ASTN2: variants seen among roughly 807,000 people sequenced by gnomAD.
ASTN2 encodes astrotactin-2.
Under a neutral mutation model 139.8 loss-of-function variants are expected in ASTN2, and 54 were observed. The ratio of observed to expected loss-of-function variants is 0.39; its 90% CI spans 0.31 to 0.48. The LOEUF (loss-of-function observed/expected upper bound fraction) is 0.48, where lower values mean the gene tolerates loss of function less well. ASTN2 is among the 20% of genes least tolerant of loss of function. ASTN2 has a pLI of 0.95. For missense variants in ASTN2, 1,565 were observed against 1,725.1 expected, an observed-to-expected ratio of 0.91 and a Z score of 1.64; for synonymous variants, 756 against 719.5, an observed-to-expected ratio of 1.05 and a Z score of -0.81.
At chr9:116,601,061 G>A (rs1223265957) in intron 19 of ASTN2, among the ~76,000 whole-genome samples, 1 of 152,202 alleles carries the variant, frequency 6.6e-6, no homozygotes, top group African/African-American at 2.4e-5. Flanking sequence ...AATATATTGA[G>A]AATTGTAATA....
rs1834617638 is a variant in ASTN2, at chr9:117,292,454, C to T, written c.443-941G>A. ...AAAGGTGTATGTGCCTGCAAATGTC[C>T]TAGAAAGACAAGGCCTATCAGTGAA... On this transcript the variant is annotated intron_variant, in intron 1 of 22. Transcript: ENST00000313400. 2.6e-5 allele frequency among the ~76,000 whole-genome samples: 4 copies of T among 152,120 alleles called. No individual in the cohort carries two copies. In the South Asian group the frequency reaches 8.3e-4, roughly 32 times the overall value.
intron 19 of ASTN2, among the ~76,000 whole-genome samples, chr9:116,591,619 G>A (rs1854380767): frequency 6.6e-6 from 1 of 152,174 alleles, no homozygotes; most frequent in Non-Finnish European, 1.5e-5. Context: ...TGATAAGCAT[G>A]GGAAGCTAGA....
chr9:116,969,605 G>C (rs1836124932), intron 10 of ASTN2, among the ~76,000 whole-genome samples: 1 of 152,048 alleles, frequency 6.6e-6, no homozygotes, highest in African/African-American at 2.4e-5. Flanking sequence ...AAAGAAACAG[G>C]AATAGTGAGT....
At chr9:117,116,834 C>CAAAAAAAAAAAA (rs72075422) in intron 4 of ASTN2, among the ~76,000 whole-genome samples, 3 of 45,188 alleles carry the variant, frequency 6.6e-5, no homozygotes, top group East Asian at 7.8e-4. Flanking sequence ...TGGCATGAGC[C>CAAAAAAAAAAAA]AAAAAAAAAA....
At chr9:116,803,522 A>ATATATATTT (rs1554748694) in intron 13 of ASTN2, among the ~76,000 whole-genome samples, 99 of 20,780 alleles carry the variant, frequency 4.8e-3, no homozygotes, top group Non-Finnish European at 5.7e-3. Context: ...ATATATATAT[A>ATATATATTT]TTTTTTTTTT....
intron 3 of ASTN2, among the ~76,000 whole-genome samples, chr9:117,175,046 T>G (rs1317149470): frequency 6.6e-6 from 1 of 152,032 alleles, no homozygotes; most frequent in Non-Finnish European, 1.5e-5. Context: ...GCAAATTATG[T>G]CATTTTTTCC....
intron 10 of ASTN2, among the ~76,000 whole-genome samples, chr9:116,929,935 G>A (rs115820443): frequency 0.011 from 1,648 of 152,276 alleles, 19 homozygotes; most frequent in African/African-American, 0.038. Flanking sequence ...AGTTCCACAC[G>A]ACACCTGCTA....
intron 1 of ASTN2, among the ~76,000 whole-genome samples, chr9:117,300,932 C>T (rs890906450): frequency 2.6e-5 from 4 of 152,152 alleles, no homozygotes; most frequent in African/African-American, 9.7e-5. Flanking sequence ...CTCCAATCTG[C>T]CCATTACCAC....
intron 7 of ASTN2, among the ~76,000 whole-genome samples, chr9:116,979,365 C>T (rs1836445531): frequency 6.6e-6 from 1 of 152,108 alleles, no homozygotes; most frequent in African/African-American, 2.4e-5. Flanking sequence ...GCTCTCTGTA[C>T]TCCTTCCCTG....
At chr9:117,136,149 G>T (rs1191967234) in intron 4 of ASTN2, among the ~76,000 whole-genome samples, 2 of 152,014 alleles carry the variant, frequency 1.3e-5, no homozygotes, top group African/African-American at 4.8e-5. Flanking sequence ...CACAATAAAA[G>T]AGCACATATG....
chr9:116,495,915 C>T (rs1257283791), intron 19 of ASTN2, among the ~76,000 whole-genome samples: 1 of 152,138 alleles, frequency 6.6e-6, no homozygotes, highest in African/African-American at 2.4e-5. Context: ...TCACGCATTC[C>T]AGCCATGCAG....
At chr9:116,444,120 G>A (rs1588064238) in intron 20 of ASTN2, among the ~76,000 whole-genome samples, 2 of 152,064 alleles carry the variant, frequency 1.3e-5, no homozygotes, top group Admixed American at 1.3e-4. Flanking sequence ...TTTTATTTGT[G>A]AGGCTCAGAG....
intron 6 of ASTN2, among the ~76,000 whole-genome samples, chr9:117,015,893 G>GA (rs1361246652): frequency 1.3e-5 from 2 of 152,152 alleles, no homozygotes; most frequent in East Asian, 3.9e-4. Context: ...CAGACTATCA[G>GA]AAAAATTTGA....
At chr9:116,534,601 C>T (rs140554861) in intron 19 of ASTN2, among the ~76,000 whole-genome samples, 4 of 152,254 alleles carry the variant, frequency 2.6e-5, no homozygotes, top group African/African-American at 7.2e-5. Flanking sequence ...TTTATTTCTG[C>T]CTTCATTTCG....
At chr9:116,649,572 C>A (rs1350552542) in intron 17 of ASTN2, among the ~76,000 whole-genome samples, 205 of 137,494 alleles carry the variant, frequency 1.5e-3, no homozygotes, top group Non-Finnish European at 1.9e-3. Flanking sequence ...AAAACTGTCT[C>A]AAAAAAAAAA....
intron 2 of ASTN2, among the ~76,000 whole-genome samples, chr9:117,253,465 T>TA (rs1833595148): frequency 6.6e-6 from 1 of 152,016 alleles, no homozygotes; most frequent in Non-Finnish European, 1.5e-5. Context: ...TTCCCCAAGA[T>TA]AAAAAACGAG....
intron 19 of ASTN2, among the ~76,000 whole-genome samples, chr9:116,516,575 A>G (rs10983209): frequency 0.079 from 12,013 of 152,292 alleles, 513 homozygotes; most frequent in East Asian, 0.15. Flanking sequence ...TTTTGCTCCA[A>G]GAACTACTGC....
intron 4 of ASTN2, among the ~76,000 whole-genome samples, chr9:117,112,768 GA>G (rs1471688477): frequency 6.6e-6 from 1 of 152,036 alleles, no homozygotes; most frequent in Non-Finnish European, 1.5e-5. Flanking sequence ...CTGGAGTTTA[GA>G]AAAATGAAAG....
intron 19 of ASTN2, among the ~76,000 whole-genome samples, chr9:116,614,674 A>G (rs1434563454): frequency 6.6e-6 from 1 of 152,228 alleles, no homozygotes; most frequent in African/African-American, 2.4e-5. Flanking sequence ...AGCCATATGT[A>G]GAAAGCTGAA....
Sources: allele counts gnomAD v4.1 joint callset (sites outside exome capture counted in the v4.1 genomes callset), GRCh38; gene constraint gnomAD v4.1.1; transcripts MANE v1.5; gene names NCBI Gene and HGNC (gene_info 2026-07-23, HGNC 2026-07-21).